KCNH8: variants seen among roughly 807,000 people sequenced by gnomAD.
KCNH8 encodes the protein potassium voltage-gated channel subfamily H member 8.
In KCNH8, 70 loss-of-function variants were observed where a neutral mutation model predicts 103.6. That is an observed-to-expected ratio of 0.68 (90% confidence interval 0.56 to 0.82). The LOEUF is 0.82. Among genes scored for constraint, KCNH8 ranks in the 40% least tolerant of loss-of-function variants. KCNH8 has a pLI of 0.00. For synonymous variants in KCNH8, 498 were observed against 489.4 expected (o/e 1.02, Z -0.23); for missense variants, 1,217 against 1,329.9 (o/e 0.92, Z 1.32).
intron 7 of KCNH8, among the ~76,000 whole-genome samples, chr3:19,414,582 TACAC>T (rs750904575): frequency 3.3e-5 from 5 of 151,858 alleles, no homozygotes; most frequent in Admixed American, 3.3e-4. Context: ...AAAAAGGAAA[TACAC>T]ACACAAAAGG....
intron 1 of KCNH8, among the ~76,000 whole-genome samples, chr3:19,180,556 G>A (rs1357166742): frequency 6.6e-6 from 1 of 152,154 alleles, no homozygotes; most frequent in Non-Finnish European, 1.5e-5. Context: ...TCCAAAAGTT[G>A]CCTTATTTCG....
At position 19,207,136 on chromosome 3, in the gene KCNH8, A is replaced by G. The variant is rs989352606; in HGVS notation, c.77-46518A>G. On this transcript the variant is annotated intron_variant, in intron 1 of 15. Coordinates refer to ENST00000328405, the MANE Select transcript of KCNH8 (RefSeq NM_144633.3). Reference sequence around the variant, plus strand: ...GAAAAGCAAAACAAGTGGGCCGGCAATTGAACTTTTGGGAACATAAATAGA... The same window carrying G: ...GAAAAGCAAAACAAGTGGGCCGGCAGTTGAACTTTTGGGAACATAAATAGA... Among the ~76,000 whole-genome samples the G allele has an allele frequency of 7.2e-5, 11 of 152,108 alleles. 1 individual carries two copies. The South Asian group carries it at 1.0e-3, about 14-fold the overall frequency.
chr3:19,449,702 G>A (rs766732792), intron 8 of KCNH8, among the ~76,000 whole-genome samples: 1 of 151,790 alleles, frequency 6.6e-6, no homozygotes, highest in Non-Finnish European at 1.5e-5. Flanking sequence ...TAACTTTATA[G>A]CTTTTCTATC....
At chr3:19,271,222 A>T (rs2064583267) in intron 2 of KCNH8, among the ~76,000 whole-genome samples, 1 of 152,154 alleles carries the variant, frequency 6.6e-6, no homozygotes. Context: ...CCCAACTCTT[A>T]AAACAATTAG....
chr3:19,276,166 AATATGT>A (rs2064667351), intron 2 of KCNH8, among the ~76,000 whole-genome samples: 1 of 128,988 alleles, frequency 7.8e-6, no homozygotes, highest in African/African-American at 3.2e-5. Flanking sequence ...CTCCCACCCC[AATATGT>A]ATATGTGTGT....
intron 7 of KCNH8, among the ~76,000 whole-genome samples, chr3:19,426,623 TGTGA>T (rs1289572471): frequency 6.6e-6 from 1 of 151,398 alleles, no homozygotes; most frequent in African/African-American, 2.4e-5. Flanking sequence ...GACTGAATGT[TGTGA>T]GTTTAAATAT....
At chr3:19,355,510 T>G (rs924971744) in intron 5 of KCNH8, among the ~76,000 whole-genome samples, 6 of 152,058 alleles carry the variant, frequency 3.9e-5, no homozygotes, top group African/African-American at 1.4e-4. Context: ...TAGACTGGAT[T>G]AAGAAAATGT....
intron 11 of KCNH8, among the ~76,000 whole-genome samples, chr3:19,501,692 T>C (rs946650925): frequency 2.6e-5 from 4 of 152,170 alleles, no homozygotes; most frequent in African/African-American, 4.8e-5. Flanking sequence ...ATTATCTCAA[T>C]AGATGCAGAA....
intron 1 of KCNH8, among the ~76,000 whole-genome samples, chr3:19,208,907 T>A (rs2063742444): frequency 6.6e-6 from 1 of 152,030 alleles, no homozygotes; most frequent in South Asian, 2.1e-4. Context: ...TCAAGAGATG[T>A]CAGGTCTTTC....
At chr3:19,234,547 C>G (rs1454430145) in intron 1 of KCNH8, among the ~76,000 whole-genome samples, 2 of 152,224 alleles carry the variant, frequency 1.3e-5, no homozygotes, top group African/African-American at 2.4e-5. Flanking sequence ...GCGGGGTCCG[C>G]GAGCCCTCGC....
chr3:19,385,068 A>C (rs981717706), intron 5 of KCNH8, among the ~76,000 whole-genome samples: 3 of 152,168 alleles, frequency 2.0e-5, no homozygotes, highest in African/African-American at 7.2e-5. Context: ...ATTCAACCTG[A>C]GAACTGAGAG....
chr3:19,228,409 C>T (rs1257015475), intron 1 of KCNH8, among the ~76,000 whole-genome samples: 1 of 152,048 alleles, frequency 6.6e-6, no homozygotes, highest in African/African-American at 2.4e-5. Context: ...TTCACAAGCT[C>T]GTGCCAGGCT....
At chr3:19,411,533 G>A (rs2066778809) in intron 7 of KCNH8, among the ~76,000 whole-genome samples, 1 of 151,982 alleles carries the variant, frequency 6.6e-6, no homozygotes. Flanking sequence ...TCGAGAGAAA[G>A]AAATAAGAGT....
At chr3:19,236,132 T>G (rs1487651380) in intron 1 of KCNH8, among the ~76,000 whole-genome samples, 1 of 152,148 alleles carries the variant, frequency 6.6e-6, no homozygotes, top group Non-Finnish European at 1.5e-5. Flanking sequence ...CCTAGAGGGA[T>G]TTGCAACTCC....
chr3:19,274,666 G>T (rs534735844), intron 2 of KCNH8, among the ~76,000 whole-genome samples: 1 of 152,004 alleles, frequency 6.6e-6, no homozygotes, highest in South Asian at 2.1e-4. Flanking sequence ...GGCTCCTCTT[G>T]TTCCTAATTA....
At chr3:19,205,398 A>G (rs2063704905) in intron 1 of KCNH8, among the ~76,000 whole-genome samples, 1 of 152,054 alleles carries the variant, frequency 6.6e-6, no homozygotes, top group Admixed American at 6.6e-5. Context: ...TTATGCTAAT[A>G]AAGTTCTGAT....
intron 7 of KCNH8, among the ~76,000 whole-genome samples, chr3:19,410,655 G>GA (rs1005010867): frequency 6.6e-6 from 1 of 151,236 alleles, no homozygotes; most frequent in African/African-American, 2.4e-5. Context: ...GATTATCAAA[G>GA]AAAAAAAGAG....
chr3:19,350,932 T>TTA (rs2065793119), intron 5 of KCNH8, among the ~76,000 whole-genome samples: 2 of 150,772 alleles, frequency 1.3e-5, no homozygotes, highest in Non-Finnish European at 3.0e-5. Flanking sequence ...ATAACAAACA[T>TTA]CTCCAAGCTA....
intron 5 of KCNH8, among the ~76,000 whole-genome samples, chr3:19,366,183 G>C (rs6551236): frequency 0.53 from 80,133 of 151,318 alleles, 22,620 homozygotes; most frequent in African/African-American, 0.74. Context: ...TTTTATACTA[G>C]TTAAAGTCGC....
Sources: gnomAD v4.1 joint callset for allele counts (sites outside exome capture counted in the v4.1 genomes callset) on GRCh38, gnomAD v4.1.1 for gene constraint, MANE v1.5 for transcripts, NCBI Gene and HGNC (gene_info 2026-07-23, HGNC 2026-07-21) for gene names.